Variants in TANC2 observed in about 807,000 individuals in gnomAD.
TANC2 encodes the protein protein TANC2.
TANC2 carries 26 observed loss-of-function variants against 210.5 expected under a neutral mutation model. The ratio of observed to expected loss-of-function variants is 0.12; its 90% CI spans 0.09 to 0.17. The LOEUF is 0.17. TANC2 is among the 10% of genes least tolerant of loss of function. The pLI, the probability that TANC2 is intolerant of heterozygous loss-of-function variation, is 1.00. For missense variants in TANC2, 2,129 were observed against 2,608.9 expected (o/e 0.82, Z 4.01); for synonymous variants, 931 against 967.1 (o/e 0.96, Z 0.69).
chr17:63,013,117 G>A (rs1376638002), intron 2 of TANC2, among the ~76,000 whole-genome samples: 1 of 150,908 alleles, frequency 6.6e-6, no homozygotes, highest in Non-Finnish European at 1.5e-5. Flanking sequence ...TTGAAGTGCG[G>A]TAGTTATTTA....
chr17:63,098,484 A>ACTCTCT (rs1175349288), intron 3 of TANC2, among the ~76,000 whole-genome samples: 1 of 72,338 alleles, frequency 1.4e-5, no homozygotes, highest in Non-Finnish European at 2.8e-5. Context: ...ACACACATAC[A>ACTCTCT]CTCTCTCTCT....
At chr17:63,368,676 T>C (rs1490703310) in intron 14 of TANC2, among the ~76,000 whole-genome samples, 2 of 149,380 alleles carry the variant, frequency 1.3e-5, no homozygotes, top group Non-Finnish European at 2.9e-5. Context: ...AGAGGCCATA[T>C]ATGGCTTTTG....
At chr17:63,100,786 T>C (rs1044545826) in intron 4 of TANC2, among the ~76,000 whole-genome samples, 3 of 152,186 alleles carry the variant, frequency 2.0e-5, no homozygotes, top group African/African-American at 7.2e-5. Context: ...AACTTAATAG[T>C]CAACGTTTAT....
Position 62,978,284 on chromosome 17 carries a change from A to G in TANC2, c.-24+11535A>G, listed in dbSNP as rs529064934. Among the ~76,000 whole-genome samples, 18 of 152,342 alleles carry G rather than the reference A, an allele frequency of 1.2e-4. No homozygotes were observed. In the East Asian group the frequency reaches 3.5e-3, roughly 29 times the overall value. On this transcript the variant is annotated intron_variant, in intron 1 of 27. Coordinates refer to ENST00000689528, the Ensembl canonical transcript of TANC2. ...GGGCATTAAAATATTAAAATATTGT[A>G]TAATATTAACACATTCTGAGATAAA...
At chr17:63,277,367 G>A (rs533040725) in intron 9 of TANC2, among the ~76,000 whole-genome samples, 3 of 150,434 alleles carry the variant, frequency 2.0e-5, no homozygotes, top group East Asian at 3.9e-4. Context: ...GGGGTTTGTT[G>A]TACAGATTAT....
chr17:63,227,096 A>G (rs2042348713), intron 7 of TANC2, among the ~76,000 whole-genome samples: 1 of 152,088 alleles, frequency 6.6e-6, no homozygotes, highest in African/African-American at 2.4e-5. Flanking sequence ...ATAATAATTT[A>G]TATTCCTTTG....
At chr17:63,289,090 T>A (rs905208952) in intron 9 of TANC2, among the ~76,000 whole-genome samples, 4 of 152,170 alleles carry the variant, frequency 2.6e-5, no homozygotes, top group African/African-American at 9.7e-5. Flanking sequence ...TGAGGCATTT[T>A]AAAAATCTGG....
intron 14 of TANC2, among the ~76,000 whole-genome samples, chr17:63,373,293 C>A (rs998402387): frequency 6.6e-5 from 10 of 152,126 alleles, no homozygotes; most frequent in Admixed American, 2.6e-4. Flanking sequence ...TATTTCTTAC[C>A]TACTCTTTCT....
At chr17:63,337,927 T>A (rs1393726426) in intron 11 of TANC2, among the ~76,000 whole-genome samples, 1 of 152,232 alleles carries the variant, frequency 6.6e-6, no homozygotes, top group African/African-American at 2.4e-5. Flanking sequence ...GTTCCATCCG[T>A]GTTCCTGAGG....
chr17:63,055,980 AAAAAAAAAAAATATAT>A (rs1434743527), intron 2 of TANC2, among the ~76,000 whole-genome samples: 45 of 26,632 alleles, frequency 1.7e-3, no homozygotes, highest in African/African-American at 2.7e-3. Context: ...AAAAAAAAAA[AAAAAAAAAAAATATAT>A]ATATATATAT....
intron 4 of TANC2, among the ~76,000 whole-genome samples, chr17:63,102,055 CT>C (rs2144929662): frequency 6.6e-6 from 1 of 152,288 alleles, no homozygotes; most frequent in African/African-American, 2.4e-5. Context: ...CATCTCAGCA[CT>C]TTCAGAGGCC....
chr17:63,345,883 G>C (rs2046391419), intron 12 of TANC2, among the ~76,000 whole-genome samples: 1 of 152,136 alleles, frequency 6.6e-6, no homozygotes, highest in Non-Finnish European at 1.5e-5. Flanking sequence ...TCATGAGCCA[G>C]CTTGAGTCAG....
chr17:63,381,275 A>G (rs185882004), intron 15 of TANC2: 1 of 152,364 alleles, frequency 6.6e-6, no homozygotes, highest in Non-Finnish European at 1.5e-5. Flanking sequence ...ATACTGATGC[A>G]GACAGCATGG....
intron 2 of TANC2, among the ~76,000 whole-genome samples, chr17:63,020,497 G>T (rs2034302353): frequency 6.6e-6 from 1 of 152,016 alleles, no homozygotes; most frequent in Non-Finnish European, 1.5e-5. Context: ...TAGAGACGAG[G>T]TCTTATGATG....
At chr17:63,319,578 T>C (rs1294319214) in intron 11 of TANC2, among the ~76,000 whole-genome samples, 4 of 152,182 alleles carry the variant, frequency 2.6e-5, no homozygotes, top group Non-Finnish European at 4.4e-5. Flanking sequence ...CTCAAACCCC[T>C]TATCTCAGGT....
intron 4 of TANC2, among the ~76,000 whole-genome samples, chr17:63,144,582 T>G (rs959913707): frequency 4.6e-5 from 7 of 152,188 alleles, no homozygotes; most frequent in Non-Finnish European, 5.9e-5. Context: ...CAACAGTTTT[T>G]ATATGAAATT....
intron 1 of TANC2, among the ~76,000 whole-genome samples, chr17:62,991,545 C>A (rs1388857347): frequency 6.6e-6 from 1 of 150,586 alleles, no homozygotes; most frequent in African/African-American, 2.4e-5. Flanking sequence ...GAGGCTGAGG[C>A]AGGAGAATGC....
intron 2 of TANC2, among the ~76,000 whole-genome samples, chr17:63,041,731 A>G (rs2035195834): frequency 6.6e-6 from 1 of 152,222 alleles, no homozygotes; most frequent in Admixed American, 6.5e-5. Flanking sequence ...GGGTTAATGA[A>G]TAACATAATT....
intron 17 of TANC2, chr17:63,390,148 T>C (rs1049842965): frequency 2.6e-5 from 4 of 152,522 alleles, no homozygotes; most frequent in Non-Finnish European, 5.9e-5. Flanking sequence ...AAAACTCGAT[T>C]TCACAATATT....
Sources: gnomAD v4.1 joint callset for allele counts (sites outside exome capture counted in the v4.1 genomes callset) on GRCh38, gnomAD v4.1.1 for gene constraint, MANE v1.5 for transcripts, NCBI Gene and HGNC (gene_info 2026-07-23, HGNC 2026-07-21) for gene names.